Variants in RPS12 observed in about 807,000 individuals in gnomAD.
RPS12 encodes the protein small ribosomal subunit protein eS12.
Under a neutral mutation model 17.2 loss-of-function variants are expected in RPS12, and 1 was observed. That is an observed-to-expected ratio of 0.06 (90% CI 0.02 to 0.28). RPS12 has a LOEUF of 0.28. RPS12 is among the 10% of genes least tolerant of loss of function. The pLI is 1.00. For synonymous variants in RPS12, 67 were observed against 54.0 expected, an observed-to-expected ratio of 1.24 and a Z score of -1.06; for missense variants, 146 against 162.1, an observed-to-expected ratio of 0.90 and a Z score of 0.54.
In RPS12 at chr6:132,817,330, C is replaced by A. The variant is rs1432063299; in HGVS notation, c.337-150C>A. 5.1e-6 allele frequency: 4 copies of A among 788,112 alleles called. No individual in the cohort carries two copies. The African/African-American group carries it at 6.7e-5, about 13-fold the overall frequency. 48.8% of individuals were successfully genotyped at this position (788,112 alleles called of 1,614,324 possible). A position where few individuals can be genotyped will look rare whatever the true frequency, so the allele number is the denominator to read the frequency against. On this transcript the variant is annotated intron_variant, in intron 5 of 5. Coordinates refer to ENST00000230050, the MANE Select transcript of RPS12 (RefSeq NM_001016.4). Reference sequence around the variant, plus strand: ...TAAGGACATTGAAGTCGTTAAGGTCCCTGAGAATGGCTATAACAAATCTTA... The same window carrying A: ...TAAGGACATTGAAGTCGTTAAGGTCACTGAGAATGGCTATAACAAATCTTA...
chr6:132,817,121 A>T lies in RPS12; in HGVS notation c.336+60A>T, dbSNP rs377085765. 2.1e-5 allele frequency: 22 copies of T among 1,051,982 alleles called. No individual in the cohort carries two copies. In the African/African-American group the frequency reaches 3.5e-4, roughly 17 times the overall value. The allele number at this position is 1,051,982 out of a possible 1,614,324, so 65.2% of individuals were successfully genotyped here. A position where few individuals can be genotyped will look rare whatever the true frequency, so the allele number is the denominator to read the frequency against. The stretch of plus-strand genomic sequence containing the variant: ...GCTGGGTAATCATATAAAACCTTGT[A>T]TTGAAATAAGTTGAGGATCTTATAA... On this transcript the variant is annotated intron_variant, in intron 5 of 5. Transcript: ENST00000230050.
chr6:132,814,607 G>A lies in RPS12; in HGVS notation c.-44G>A, dbSNP rs192215865. ...GCCGCCGAGTCGCGCGGAGGCGGAG[G>A]CTTGGGGTAAGTTGAGCGAGGCGGC... On this transcript the variant is annotated 5_prime_UTR_variant, in exon 1 of 6. Coordinates refer to ENST00000230050, the MANE Select transcript of RPS12 (RefSeq NM_001016.4). 2.6e-5 allele frequency: 23 copies of A among 886,078 alleles called. No homozygotes were observed. The highest frequency in any genetic ancestry group is 8.2e-5 in the African/African-American group (5 of 60,758). 54.9% of individuals were successfully genotyped at this position (886,078 alleles called of 1,614,324 possible). A position where few individuals can be genotyped will look rare whatever the true frequency, so the allele number is the denominator to read the frequency against.
At position 132,817,544 on chromosome 6, in the gene RPS12, GAAAT is replaced by G. The variant is rs1281317548; in HGVS notation, c.*7_*10del. 1 of 1,609,728 alleles carries G rather than the reference GAAAT, an allele frequency of 6.2e-7. No individual in the cohort carries two copies. The highest frequency in any genetic ancestry group is 8.5e-7 in the Non-Finnish European group (1 of 1,177,986). ...GAGTATTTCAAATGCAAGAAATGAA[GAAAT>G]AAATCTTTGGCTCACATTCCTCATG... is the stretch of plus-strand genomic sequence containing the variant. On this transcript the variant is annotated 3_prime_UTR_variant, in exon 6 of 6. Transcript: ENST00000230050.
In RPS12 at chr6:132,814,781, G is replaced by C. The variant is rs776641950; in HGVS notation, c.13G>C (p.Gly5Arg). The change falls in exon 2 of 6, where the codon GGC (glycine) becomes CGC (arginine). Residue 5 changes from glycine to arginine, a missense_variant and splice_region_variant. Gly to Arg is a moderately radical substitution (Grantham distance 125, BLOSUM62 -2). Coordinates refer to ENST00000230050, the MANE Select transcript of RPS12 (RefSeq NM_001016.4). ...GTAACCCACCGCCATGGCCGAGGAA[G>C]GGTGAGCCCAGGGGCCGGGGTTGGA... MAEE[G>R]IAAGGVMDVN... The C allele has an allele frequency of 6.2e-7, 1 of 1,613,382 alleles. No individual in the cohort carries two copies. The highest frequency in any genetic ancestry group is 8.5e-7 in the Non-Finnish European group (1 of 1,179,408).
At chr6:132,816,219 T>TA (rs527365047) in intron 3 of RPS12, among the ~76,000 whole-genome samples, 22 of 152,294 alleles carry the variant, frequency 1.4e-4, no homozygotes, top group Admixed American at 5.2e-4. Flanking sequence ...AAAAATGACT[T>TA]ACACCAATTC....
chr6:132,815,309 TTGAA>T (rs756153021), intron 3 of RPS12: 16 of 722,900 alleles, frequency 2.2e-5, no homozygotes, highest in African/African-American at 1.0e-4. Flanking sequence ...ACTACAGTGT[TTGAA>T]TGATGACTTT....
At chr6:132,815,311 G>A in intron 3 of RPS12, 2 of 720,196 alleles carry the variant, frequency 2.8e-6, no homozygotes, top group Admixed American at 1.7e-5. Flanking sequence ...TACAGTGTTT[G>A]AATGATGACT....
In RPS12 at chr6:132,814,933, G is replaced by A. The variant is rs1296158959; in HGVS notation, c.15-39G>A. ...CTGAGTGCAAGGCCTTATGTGGTGTGAGGATTTTAACTGATGGTTCTGATG... is the reference window on the plus strand; with the variant it reads ...CTGAGTGCAAGGCCTTATGTGGTGTAAGGATTTTAACTGATGGTTCTGATG... On this transcript the variant is annotated intron_variant, in intron 2 of 5. Transcript: ENST00000230050. The A allele has an allele frequency of 2.7e-6, 4 of 1,475,148 alleles. No homozygotes were observed. In the African/African-American group the frequency reaches 4.2e-5, roughly 15 times the overall value. The allele number at this position is 1,475,148 out of a possible 1,614,324, so 91.4% of individuals were successfully genotyped here. A position where few individuals can be genotyped will look rare whatever the true frequency, so the allele number is the denominator to read the frequency against.
chr6:132,816,065 C>T (rs892819344), intron 3 of RPS12: 1 of 375,392 alleles, frequency 2.7e-6, no homozygotes, highest in Admixed American at 3.4e-5. Flanking sequence ...TACTCCTGAC[C>T]TCGGGTCATC....
chr6:132,815,853 T>G (rs756256015), intron 3 of RPS12: 1 of 432,168 alleles, frequency 2.3e-6, no homozygotes, highest in Non-Finnish European at 4.5e-6. Context: ...TTTCTTTTTT[T>G]TTTTTGAGAC....
chr6:132,816,781 A>G, intron 4 of RPS12, 179 bp from the exon 5 acceptor site: 1 of 769,836 alleles, frequency 1.3e-6, no homozygotes, highest in South Asian at 1.4e-5. Context: ...GATTAGTAGC[A>G]GGCTTGTAGG....
intron 3 of RPS12, chr6:132,815,835 T>A (rs977780903): frequency 1.4e-5 from 6 of 431,974 alleles, no homozygotes; most frequent in African/African-American, 6.4e-5. Context: ...AGTCTTTTTT[T>A]TTTCTTTTTT....
chr6:132,816,170 C>T, intron 3 of RPS12: 2 of 487,950 alleles, frequency 4.1e-6, no homozygotes, highest in Non-Finnish European at 7.5e-6. Flanking sequence ...AGCTGGCTTA[C>T]AAGAAAGCTA....
At chr6:132,815,894 G>A (rs1782045368) in intron 3 of RPS12, 1 of 450,152 alleles carries the variant, frequency 2.2e-6, no homozygotes, top group African/African-American at 2.0e-5. Context: ...CCAGGCTGGA[G>A]TGCAGTGGCG....
rs772165293 is a variant in RPS12 at position 132,817,072 on chromosome 6, G to A, written c.336+11G>A. 6 of 1,467,688 alleles carry A rather than the reference G, an allele frequency of 4.1e-6. No individual in the cohort carries two copies. Among genetic ancestry groups the A allele is most frequent in the Middle Eastern group, 2.3e-4 (1 of 4,320 alleles). 90.9% of individuals were successfully genotyped at this position (1,467,688 alleles called of 1,614,324 possible). A position where few individuals can be genotyped will look rare whatever the true frequency, so the allele number is the denominator to read the frequency against. On this transcript the variant is annotated intron_variant, in intron 5 of 5. Coordinates refer to ENST00000230050, the MANE Select transcript of RPS12 (RefSeq NM_001016.4). ...TGTGTAGTAGTTAAGGTAAGTCACC[G>A]TTTATTCTAGGGATGAAGGTTATGC...
chr6:132,814,702 C>G lies in RPS12; in HGVS notation c.-37-30C>G, dbSNP rs973703474. On this transcript the variant is annotated intron_variant, in intron 1 of 5. Coordinates refer to ENST00000230050, the MANE Select transcript of RPS12 (RefSeq NM_001016.4). ...TGGGATTCGTGACGAGTATCTGGTT[C>G]TTTAACAAGTCAATGCTTTTGTTTT... 40 of 1,578,792 alleles carry G rather than the reference C, an allele frequency of 2.5e-5. No individual in the cohort carries two copies. The East Asian group carries it at 8.9e-4, about 35-fold the overall frequency.
In RPS12 at chr6:132,817,019, G is replaced by T. The variant is rs760430491; in HGVS notation, c.294G>T (p.Gly98=). 1 of 1,612,630 alleles carries T rather than the reference G, an allele frequency of 6.2e-7. No individual in the cohort carries two copies. The highest frequency in any genetic ancestry group is 1.7e-5 in the Admixed American group (1 of 60,006). Residue 98 remains glycine (G), a synonymous_variant, in exon 5 of 6, where the codon GGG becomes GGT. Coordinates refer to ENST00000230050, the MANE Select transcript of RPS12 (RefSeq NM_001016.4). ...WVGLCKIDRE[G]KPRKVVGCSC... ...GCCTTTGTAAAATTGACAGAGAGGG[G>T]AAACCCCGTAAAGTGGTTGGTTGCA... is the stretch of plus-strand genomic sequence containing the variant.
chr6:132,814,823 G>A (rs776769882), intron 2 of RPS12, 41 bp downstream of exon 2: 9 of 1,577,514 alleles, frequency 5.7e-6, no homozygotes, highest in Non-Finnish European at 7.8e-6. Context: ...GTCGGGGTGC[G>A]GCTGAGGCGT....
rs779814923 is a variant in RPS12 at position 132,815,092 on chromosome 6, C to T, written c.131+4C>T. On this transcript the variant is annotated splice_donor_region_variant and intron_variant, in intron 3 of 5. Transcript: ENST00000230050. ...AAGCTGCCAAAGCCTTAGACAAGTA[C>T]GTGTATCAGTCTCAATACTGTGGGT... The T allele has an allele frequency of 2.5e-6, 4 of 1,574,602 alleles. No homozygotes were observed. Among genetic ancestry groups the T allele is most frequent in the Middle Eastern group, 1.7e-4 (1 of 6,000 alleles).
Sources: allele counts gnomAD v4.1 joint callset (sites outside exome capture counted in the v4.1 genomes callset), GRCh38; gene constraint gnomAD v4.1.1; transcripts MANE v1.5; gene names NCBI Gene and HGNC (gene_info 2026-07-23, HGNC 2026-07-21).